FKBP5: variants seen among roughly 807,000 people sequenced by gnomAD.
FKBP5 encodes the protein peptidyl-prolyl cis-trans isomerase FKBP5.
FKBP5 carries 23 observed loss-of-function variants against 50.5 expected under a neutral mutation model. The ratio of observed to expected loss-of-function variants is 0.46; its 90% CI spans 0.33 to 0.65. FKBP5 has a LOEUF of 0.65. Ranked by LOEUF, FKBP5 falls within the 30% of genes least tolerant of loss-of-function variation. The pLI, the probability that FKBP5 is intolerant of heterozygous loss-of-function variation, is 0.02. For synonymous variants in FKBP5, 176 were observed against 190.6 expected, an observed-to-expected ratio of 0.92 and a Z score of 0.63; for missense variants, 411 against 553.1, an observed-to-expected ratio of 0.74 and a Z score of 2.58.
intron 7 of FKBP5, among the ~76,000 whole-genome samples, chr6:35,588,325 A>G (rs1051826688): frequency 6.6e-5 from 10 of 152,016 alleles, no homozygotes; most frequent in African/African-American, 2.2e-4. Context: ...ACTATCCTCT[A>G]CTTTTTAAAA....
At chr6:35,725,357 C>G (rs1766686178) in intron 1 of FKBP5, among the ~76,000 whole-genome samples, 1 of 152,172 alleles carries the variant, frequency 6.6e-6, no homozygotes, top group Admixed American at 6.5e-5. Flanking sequence ...TGTCACTTGT[C>G]TAGCTGGGCT....
Position 35,577,054 on chromosome 6 carries a change from G to A in FKBP5, c.1206C>T (p.Asn402=), listed in dbSNP as rs373264047. 8.7e-6 allele frequency: 14 copies of A among 1,614,054 alleles called. No individual in the cohort carries two copies. Among genetic ancestry groups the A allele is most frequent in the African/African-American group, 2.7e-5 (2 of 74,922 alleles). The change falls in exon 10 of 11, where the codon AAC becomes AAT. Residue 402 remains asparagine (N), a synonymous_variant. Transcript: ENST00000357266. ...SMCQKKAKEH[N]ERDRRIYANM... ...TGGCGTATATCCTGCGGTCCCGCTC[G>A]TTGTGCTCCTTGGCCTTTTTCTGGC...
chr6:35,579,978 G>A (rs981732662), intron 9 of FKBP5, 58 bp downstream of exon 9: 3 of 1,287,728 alleles, frequency 2.3e-6, no homozygotes, highest in Admixed American at 2.2e-5. Context: ...GCAAAAGACA[G>A]AGATGGAGAA....
intron 2 of FKBP5, among the ~76,000 whole-genome samples, chr6:35,697,578 A>G (rs980596405): frequency 6.6e-6 from 1 of 151,356 alleles, no homozygotes; most frequent in Non-Finnish European, 1.5e-5. Flanking sequence ...TGAAGTACTA[A>G]TAGATGCTAC....
chr6:35,715,235 A>G (rs1766491475), intron 2 of FKBP5, among the ~76,000 whole-genome samples: 1 of 152,106 alleles, frequency 6.6e-6, no homozygotes. Context: ...TCATTTATTC[A>G]TTTCACAGCA....
intron 2 of FKBP5, among the ~76,000 whole-genome samples, chr6:35,702,591 T>C (rs772742195): frequency 2.0e-5 from 3 of 152,012 alleles, no homozygotes; most frequent in Non-Finnish European, 4.4e-5. Flanking sequence ...TAGCTGGGAC[T>C]ACAGGCGCCC....
chr6:35,677,250 T>C (rs1765550244), intron 1 of FKBP5, among the ~76,000 whole-genome samples: 1 of 152,004 alleles, frequency 6.6e-6, no homozygotes, highest in Admixed American at 6.6e-5. Context: ...ATTTTTTGTA[T>C]TTTTAGTAGA....
At chr6:35,625,652 CGTGAACCCGG>C (rs1296655997) in intron 3 of FKBP5, among the ~76,000 whole-genome samples, 6 of 148,670 alleles carry the variant, frequency 4.0e-5, no homozygotes, top group Non-Finnish European at 8.9e-5. Flanking sequence ...AGGAGAATGG[CGTGAACCCGG>C]GAGGCGGAGC....
intron 1 of FKBP5, among the ~76,000 whole-genome samples, chr6:35,682,291 T>C (rs547932945): frequency 1.3e-5 from 2 of 152,344 alleles, no homozygotes; most frequent in South Asian, 4.1e-4. Flanking sequence ...GAACATTCCA[T>C]GCTCATTCAG....
At chr6:35,658,414 C>G (rs905502896) in intron 1 of FKBP5, among the ~76,000 whole-genome samples, 49 of 151,112 alleles carry the variant, frequency 3.2e-4, no homozygotes, top group Admixed American at 1.4e-3. Context: ...CAGAACAATG[C>G]TGAACACAAT....
At chr6:35,696,144 CAAAA>C (rs60390656) in intron 2 of FKBP5, among the ~76,000 whole-genome samples, 2 of 64,464 alleles carry the variant, frequency 3.1e-5, no homozygotes, top group Non-Finnish European at 3.4e-5. Flanking sequence ...GACTCTGTCT[CAAAA>C]AAAAAAAAAA....
At chr6:35,718,673 A>G (rs1341478667) in intron 2 of FKBP5, among the ~76,000 whole-genome samples, 1 of 152,174 alleles carries the variant, frequency 6.6e-6, no homozygotes, top group East Asian at 1.9e-4. Flanking sequence ...TATCCTCAGC[A>G]CCTAGCAGAA....
chr6:35,596,137 T>C (rs1375478548), intron 6 of FKBP5, among the ~76,000 whole-genome samples: 2 of 152,080 alleles, frequency 1.3e-5, no homozygotes, highest in Non-Finnish European at 2.9e-5. Context: ...GGAGGATCAC[T>C]TGAAGTCAGG....
At chr6:35,590,014 G>A (rs549985680) in intron 7 of FKBP5, among the ~76,000 whole-genome samples, 11 of 152,136 alleles carry the variant, frequency 7.2e-5, no homozygotes, top group African/African-American at 2.7e-4. Flanking sequence ...TGTGCTTAAT[G>A]TGGTCAGGCA....
rs1317529532 is a variant in FKBP5 at position 35,642,742 on chromosome 6, T to C, written c.83A>G (p.Lys28Arg). The part of the protein sequence containing the change: ...VAEQGEDITS[K>R]KDRGVLKIVK... Reference sequence around the variant, plus strand: ...CACCTTTAATACTCCCCTGTCTTTTTTGGAGGTAATATCCTCTCCCTGCTC... The same window carrying C: ...CACCTTTAATACTCCCCTGTCTTTTCTGGAGGTAATATCCTCTCCCTGCTC... The change falls in exon 2 of 11, where the codon AAA becomes AGA. Residue 28 changes from lysine (K) to arginine (R), a missense_variant. Physicochemically the swap from Lys to Arg is conservative, Grantham distance 26. Transcript: ENST00000357266. 6.2e-7 allele frequency: 1 copy of C among 1,614,042 alleles called. No homozygotes were observed. Among genetic ancestry groups the C allele is most frequent in the Non-Finnish European group, 8.5e-7 (1 of 1,179,954 alleles).
chr6:35,709,731 C>A (rs1431222978), intron 2 of FKBP5, among the ~76,000 whole-genome samples: 1 of 152,028 alleles, frequency 6.6e-6, no homozygotes, highest in Non-Finnish European at 1.5e-5. Context: ...ATAACTTATG[C>A]TTTAAATATT....
intron 1 of FKBP5, among the ~76,000 whole-genome samples, chr6:35,677,322 C>G (rs1765554523): frequency 6.6e-6 from 1 of 152,178 alleles, no homozygotes; most frequent in Non-Finnish European, 1.5e-5. Context: ...ATCCGCCCGC[C>G]TCGGCCTCCC....
chr6:35,578,463 A>G (rs1332016050), intron 9 of FKBP5, among the ~76,000 whole-genome samples: 1 of 152,092 alleles, frequency 6.6e-6, no homozygotes, highest in Non-Finnish European at 1.5e-5. Flanking sequence ...AGAAAGATAT[A>G]ATCAACAAAG....
At chr6:35,703,388 A>G (rs2395635) in intron 2 of FKBP5, among the ~76,000 whole-genome samples, 116,255 of 151,984 alleles carry the variant, frequency 0.76, 44,936 homozygotes, top group African/African-American at 0.89. Context: ...CAGCCTGGCC[A>G]ACAGAACATG....
Sources: gnomAD v4.1 joint callset for allele counts (sites outside exome capture counted in the v4.1 genomes callset) on GRCh38, gnomAD v4.1.1 for gene constraint, MANE v1.5 for transcripts, NCBI Gene and HGNC (gene_info 2026-07-23, HGNC 2026-07-21) for gene names.